The following NSUN2 variants were observed in gnomAD, a reference collection of about 807,000 sequenced individuals.
The protein encoded by NSUN2 is RNA cytosine C(5)-methyltransferase NSUN2.
NSUN2 carries 63 observed loss-of-function variants against 92.7 expected under a neutral mutation model. The ratio of observed to expected loss-of-function variants is 0.68; its 90% CI spans 0.56 to 0.84. The LOEUF (loss-of-function observed/expected upper bound fraction) is 0.84. Among genes scored for constraint, NSUN2 ranks in the 40% least tolerant of loss-of-function variants. The pLI, the probability that NSUN2 is intolerant of heterozygous loss-of-function variation, is 0.00. For synonymous variants in NSUN2, 356 were observed against 348.3 expected (o/e 1.02, Z -0.25); for missense variants, 989 against 964.9 (o/e 1.02, Z -0.33).
rs1579385825 is a variant in NSUN2, at chr5:6,632,597, A to T, written c.254+2T>A. On this transcript the variant is annotated splice_donor_variant, in intron 2 of 18. Transcript: ENST00000264670. LOFTEE classifies it high-confidence loss of function. ...CCAAAAAATCAGGCACTGCCTCCCT[A>T]CCTTTTGTAACCAGTAATTCTTAAA... The T allele has an allele frequency of 6.2e-7, 1 of 1,613,320 alleles. No individual in the cohort carries two copies. The highest frequency in any genetic ancestry group is 8.5e-7 in the Non-Finnish European group (1 of 1,179,714).
At chr5:6,624,616 T>C (rs987240939) in intron 4 of NSUN2, among the ~76,000 whole-genome samples, 8 of 152,214 alleles carry the variant, frequency 5.3e-5, no homozygotes, top group African/African-American at 1.9e-4. Context: ...AGCAAGAGAA[T>C]CCTTTCGTGC....
At chr5:6,623,156 C>T in intron 5 of NSUN2, 58 bp downstream of exon 5, 3 of 1,447,066 alleles carry the variant, frequency 2.1e-6, no homozygotes, top group Non-Finnish European at 2.8e-6. Flanking sequence ...TCAAAACAAA[C>T]AGGCATGACA....
chr5:6,605,353 T>C lies in NSUN2; in HGVS notation c.1657A>G (p.Thr553Ala), dbSNP rs2126472650. Residue 553 changes from threonine to alanine, a missense_variant, in exon 15 of 19, where the codon ACA (threonine) becomes GCA (alanine). By Grantham distance (58) the Thr-to-Ala change is moderately conservative. Coordinates refer to ENST00000264670, the MANE Select transcript of NSUN2 (RefSeq NM_017755.6). Reference protein sequence around the residue: ...FPRMNLLTRTTEGKKRQLYMV... With the variant: ...FPRMNLLTRTAEGKKRQLYMV... ...TAGAGCTGCCTTTTCTTCCCTTCTG[T>C]AGTCCGAGTTAACAAATTCATCCTT... 6.2e-7 allele frequency: 1 copy of C among 1,614,202 alleles called. No homozygotes were observed. The highest frequency in any genetic ancestry group is 8.5e-7 in the Non-Finnish European group (1 of 1,180,022).
chr5:6,622,122 G>A, intron 5 of NSUN2, 22 bp from the exon 6 acceptor site: 1 of 1,582,006 alleles, frequency 6.3e-7, no homozygotes, highest in Non-Finnish European at 8.6e-7. Context: ...GCAAGAAACT[G>A]TTTCATGTTT....
Position 6,604,236 on chromosome 5 carries a change from A to G in NSUN2, c.1859T>C (p.Ile620Thr). 6.2e-7 allele frequency: 1 copy of G among 1,604,494 alleles called. No homozygotes were observed. Among genetic ancestry groups the G allele is most frequent in the Non-Finnish European group, 8.5e-7 (1 of 1,171,530 alleles). The change falls in exon 17 of 19, where the codon ATT becomes ACT. Residue 620 changes from isoleucine (I) to threonine (T), a missense_variant. Ile to Thr is a moderately conservative substitution (Grantham distance 89). This residue lies in a region of NSUN2 where 626 missense variants were observed against 602.3 expected (regional missense o/e 1.04). Coordinates refer to ENST00000264670, the MANE Select transcript of NSUN2 (RefSeq NM_017755.6). ...CTTAACATCTTCCATTGATACAGTA[A>G]TAATTCTTGAGTTAATAAATGGATA... is the stretch of plus-strand genomic sequence containing the variant. ...TLYPFINSRI[I>T]TVSMEDVKIL... is the part of the protein sequence containing the mutation.
At chr5:6,631,821 T>C in intron 3 of NSUN2, 52 bp downstream of exon 3, 5 of 1,278,652 alleles carry the variant, frequency 3.9e-6, no homozygotes, top group East Asian at 2.3e-5. Context: ...ATTCAAGTGA[T>C]AGAGATTAAT....
rs375624381 is a variant in NSUN2 at position 6,599,948 on chromosome 5, G to A, written c.2282C>T (p.Ala761Val). The A allele has an allele frequency of 7.9e-5, 127 of 1,613,480 alleles. No homozygotes were observed. The Middle Eastern group carries it at 8.7e-4, about 11-fold the overall frequency. ...TGCTCACCGGGGTGGATGGACCCCC[G>A]CCGGGTCACAGCCTGCTGTCACGTC... The part of the protein sequence containing the change: ...SPDVTAGCDP[A>V]GVHPPR The change falls in exon 19 of 19, where the codon GCG becomes GTG. Residue 761 changes from alanine (A) to valine (V), a missense_variant. Around this residue, in one of 3 missense-constraint regions of NSUN2, gnomAD observed 626 missense variants for 602.3 expected, o/e 1.04. Transcript: ENST00000264670.
At chr5:6,607,044 G>T in intron 13 of NSUN2, 132 bp from the exon 14 acceptor site, 1 of 970,526 alleles carries the variant, frequency 1.0e-6, no homozygotes, top group Non-Finnish European at 1.6e-6. Flanking sequence ...AAACCTTCCG[G>T]CTTCCACAGA....
intron 14 of NSUN2, among the ~76,000 whole-genome samples, chr5:6,605,883 C>T (rs761549613): frequency 1.1e-4 from 17 of 151,956 alleles, no homozygotes; most frequent in Admixed American, 3.3e-4. Flanking sequence ...TTAGTAAAGA[C>T]GGGGTTTCAC....
intron 6 of NSUN2, chr5:6,621,169 G>C (rs1737420686): frequency 6.6e-6 from 1 of 152,112 alleles, no homozygotes; most frequent in Admixed American, 6.6e-5. Context: ...AAGGGGCGTG[G>C]TGTCACTATA....
intron 3 of NSUN2, among the ~76,000 whole-genome samples, chr5:6,628,734 G>A (rs1737754989): frequency 6.6e-6 from 1 of 152,152 alleles, no homozygotes; most frequent in Admixed American, 6.5e-5. Context: ...AATGTTTAGA[G>A]AATACAGCTG....
At chr5:6,630,439 G>A (rs1737830775) in intron 3 of NSUN2, among the ~76,000 whole-genome samples, 1 of 152,150 alleles carries the variant, frequency 6.6e-6, no homozygotes, top group African/African-American at 2.4e-5. Flanking sequence ...CCTAGTGTCT[G>A]GGATTACAGG....
In NSUN2 at chr5:6,609,315, C is replaced by T. The variant is rs532869612; in HGVS notation, c.1323+511G>A. ...ACACTCCTTCACCACTGTTTCCTGG[C>T]CTGCCTTGGAAAGGAACCAGCAGGC... On this transcript the variant is annotated intron_variant, in intron 12 of 18. Coordinates refer to ENST00000264670, the MANE Select transcript of NSUN2 (RefSeq NM_017755.6). 2.4e-3 allele frequency among the ~76,000 whole-genome samples: 360 copies of T among 152,312 alleles called. 1 individual carries two copies. The highest frequency in any genetic ancestry group is 8.4e-3 in the African/African-American group (349 of 41,574).
chr5:6,600,318 G>C (rs1021530713), intron 18 of NSUN2, 86 bp from the exon 19 acceptor site: 47 of 1,183,052 alleles, frequency 4.0e-5, no homozygotes, highest in Non-Finnish European at 5.4e-5. Context: ...GCTTAAAAAA[G>C]AAAACCACAG....
chr5:6,629,670 T>C (rs1049236923), intron 3 of NSUN2, among the ~76,000 whole-genome samples: 1 of 152,236 alleles, frequency 6.6e-6, no homozygotes, highest in African/African-American at 2.4e-5. Flanking sequence ...TTTAGATGGT[T>C]TGGCTCTGTG....
Position 6,632,996 on chromosome 5 carries a change from C to A in NSUN2, c.-17G>T. On this transcript the variant is annotated 5_prime_UTR_variant, in exon 1 of 19. Transcript: ENST00000264670. ...CCGCCCCATAGCCCACGCGGCCGCG[C>A]ACGCAGCACGCAGAAACCGGCCCGC... 2.1e-6 allele frequency: 3 copies of A among 1,431,486 alleles called. No homozygotes were observed. Among genetic ancestry groups the A allele is most frequent in the Non-Finnish European group, 1.8e-6 (2 of 1,104,026 alleles). The allele number at this position is 1,431,486 out of a possible 1,614,324, so 88.7% of individuals were successfully genotyped here.
At chr5:6,620,046 G>T in intron 7 of NSUN2, 60 bp downstream of exon 7, 1 of 1,336,474 alleles carries the variant, frequency 7.5e-7, no homozygotes, top group Non-Finnish European at 1.0e-6. Flanking sequence ...CTTCATTTTA[G>T]TCTCTATTTG....
chr5:6,622,847 C>CAA (rs36124758), intron 5 of NSUN2, among the ~76,000 whole-genome samples: 69,896 of 126,150 alleles, frequency 0.55, 19,022 homozygotes, highest in East Asian at 0.65. Flanking sequence ...AACTCCATCT[C>CAA]AAAAAAAAAA....
chr5:6,628,297 G>A (rs1737734474), intron 3 of NSUN2, among the ~76,000 whole-genome samples: 1 of 152,120 alleles, frequency 6.6e-6, no homozygotes, highest in South Asian at 2.1e-4. Flanking sequence ...GCAGTGAGCT[G>A]AGATCATGCC....
Sources: gnomAD v4.1 joint callset for allele counts (sites outside exome capture counted in the v4.1 genomes callset) on GRCh38, gnomAD v4.1.1 for gene constraint, gnomAD v4.1.1 regional missense constraint, MANE v1.5 for transcripts, NCBI Gene and HGNC (gene_info 2026-07-23, HGNC 2026-07-21) for gene names.